The following EEF1A1 variants were observed in gnomAD, a reference collection of about 807,000 sequenced individuals.
EEF1A1 encodes elongation factor 1-alpha 1.
EEF1A1 carries 1 observed loss-of-function variant against 38.5 expected under a neutral mutation model. That is an observed-to-expected ratio of 0.03 (90% CI 0.01 to 0.12). The LOEUF is 0.12. Ranked by LOEUF, EEF1A1 falls within the 10% of genes least tolerant of loss-of-function variation. EEF1A1 has a pLI of 1.00. For synonymous variants in EEF1A1, 229 were observed against 203.7 expected (o/e 1.12, Z -1.06); for missense variants, 184 against 588.3 (o/e 0.31, Z 7.11).
rs11550794 is a variant in EEF1A1 at position 73,519,415 on chromosome 6, G to C, written c.246C>G (p.Thr82=). The C allele has an allele frequency of 1.2e-6, 2 of 1,608,296 alleles. No individual in the cohort carries two copies. The highest frequency in any genetic ancestry group is 1.1e-5 in the South Asian group (1 of 91,058). Reference sequence around the variant, plus strand: ...CAATGATAGTCACATAGTACTTGCTGGTCTCAAATTTCCACAAGGAGATAT... The same window carrying C: ...CAATGATAGTCACATAGTACTTGCTCGTCTCAAATTTCCACAAGGAGATAT... The part of the protein sequence containing the change: ...TIDISLWKFE[T]SKYYVTIIDA... The change falls in exon 3 of 8, where the codon ACC becomes ACG. Residue 82 remains threonine, a synonymous_variant. Transcript: ENST00000309268.
intron 1 of EEF1A1, 152 bp downstream of exon 1, chr6:73,520,848 C>G (rs894868659): frequency 6.6e-6 from 1 of 152,470 alleles, no homozygotes; most frequent in African/African-American, 2.4e-5. Flanking sequence ...GCTCCTTAAG[C>G]GCAAGGCCTC....
chr6:73,516,949 A>C lies in EEF1A1; in HGVS notation c.*861T>G, dbSNP rs1304015104. On this transcript the variant is annotated 3_prime_UTR_variant, in exon 8 of 8. Coordinates refer to ENST00000309268, the MANE Select transcript of EEF1A1 (RefSeq NM_001402.6). ...TGTAGATTAGTCTAATTTTATAGCT[A>C]CTTCAAATTGCCATCTTTTTCTATT... The C allele has an allele frequency of 3.3e-5, 5 of 152,366 alleles. No individual in the cohort carries two copies. The East Asian group carries it at 9.6e-4, about 29-fold the overall frequency. 9.4% of individuals were successfully genotyped at this position (152,366 alleles called of 1,614,324 possible).
At chr6:73,519,808 C>T (rs1765607424) in intron 2 of EEF1A1, 75 bp downstream of exon 2, 2 of 1,590,196 alleles carry the variant, frequency 1.3e-6, no homozygotes, top group Non-Finnish European at 1.7e-6. Context: ...CTCACTAGTT[C>T]TGGGGAAATC....
Position 73,520,058 on chromosome 6 carries a change from T to G in EEF1A1, c.-30-2A>C, listed in dbSNP as rs749290541. 1.3e-6 allele frequency: 2 copies of G among 1,579,550 alleles called. No homozygotes were observed. The highest frequency in any genetic ancestry group is 3.7e-5 in the Admixed American group (2 of 54,702). ...TTTTAGGGGTAGTTTTCACGACACCTGAAATGGAAGAAAAAAACTTTGAAC... is the reference window on the plus strand; with the variant it reads ...TTTTAGGGGTAGTTTTCACGACACCGGAAATGGAAGAAAAAAACTTTGAAC... On this transcript the variant is annotated splice_acceptor_variant, in intron 1 of 7. Coordinates refer to ENST00000309268, the MANE Select transcript of EEF1A1 (RefSeq NM_001402.6). LOFTEE classifies it low-confidence loss of function (5UTR_SPLICE).
intron 1 of EEF1A1, 135 bp from the exon 2 acceptor site, chr6:73,520,191 CAG>C (rs1039849745): frequency 1.6e-5 from 12 of 772,700 alleles, no homozygotes; most frequent in East Asian, 5.5e-5. Context: ...TCCACCCACT[CAG>C]TGTGGGGAAA....
intron 1 of EEF1A1, 43 bp from the exon 2 acceptor site, chr6:73,520,099 G>A: frequency 6.5e-7 from 1 of 1,532,328 alleles, no homozygotes; most frequent in Non-Finnish European, 8.7e-7. Context: ...TCTGAGGCTT[G>A]AGAATGAACC....
At position 73,516,332 on chromosome 6, in the gene EEF1A1, T is replaced by TG. The variant is rs1765513530; in HGVS notation, c.*1477dup. On this transcript the variant is annotated 3_prime_UTR_variant, in exon 8 of 8. Coordinates refer to ENST00000309268, the MANE Select transcript of EEF1A1 (RefSeq NM_001402.6). Reference sequence around the variant, plus strand: ...AGCATGTCCTTAAGAACACATGTCCTGGCCAGGCATGGTGGCTCATGCCTG... The same window carrying TG: ...AGCATGTCCTTAAGAACACATGTCCTGGGCCAGGCATGGTGGCTCATGCCTG... 1 of 152,216 alleles carries TG rather than the reference T, an allele frequency of 6.6e-6. No individual in the cohort carries two copies. Among genetic ancestry groups the TG allele is most frequent in the African/African-American group, 2.4e-5 (1 of 41,448 alleles). 9.4% of individuals were successfully genotyped at this position (152,216 alleles called of 1,614,324 possible). A position where few individuals can be genotyped will look rare whatever the true frequency, so the allele number is the denominator to read the frequency against.
At position 73,517,645 on chromosome 6, in the gene EEF1A1, G is replaced by C. The variant is rs1472690118; in HGVS notation, c.*165C>G. The C allele has an allele frequency of 4.5e-6, 2 of 443,458 alleles. No individual in the cohort carries two copies. The highest frequency in any genetic ancestry group is 7.7e-5 in the Admixed American group (2 of 25,836). The allele number at this position is 443,458 out of a possible 1,614,324, so 27.5% of individuals were successfully genotyped here. A position where few individuals can be genotyped will look rare whatever the true frequency, so the allele number is the denominator to read the frequency against. On this transcript the variant is annotated 3_prime_UTR_variant, in exon 8 of 8. Transcript: ENST00000309268. ...GCCACACGCAAAAAAGAAAACCAAA[G>C]TGGTCCACAAAACATTCTCCTTTCC...
rs1314533719 is a variant in EEF1A1, at chr6:73,517,234, A to G, written c.*576T>C. ...CACTTAACATTGGTTTAGCAACATG[A>G]AGCTTTCTATGCAACACAAGGACTC... On this transcript the variant is annotated 3_prime_UTR_variant, in exon 8 of 8. Coordinates refer to ENST00000309268, the MANE Select transcript of EEF1A1 (RefSeq NM_001402.6). The G allele has an allele frequency of 6.6e-6, 1 of 152,178 alleles. No homozygotes were observed. Among genetic ancestry groups the G allele is most frequent in the Non-Finnish European group, 1.5e-5 (1 of 68,110 alleles). 9.4% of individuals were successfully genotyped at this position (152,178 alleles called of 1,614,324 possible).
rs146476537 is a variant in EEF1A1 at position 73,518,689 on chromosome 6, C to A, written c.772+9G>T. On this transcript the variant is annotated intron_variant, in intron 5 of 7. Transcript: ENST00000309268. Reference sequence around the variant, plus strand: ...AACTCAAATTCAACTTTGTTTACAGCCAACTTACCACCAATTTTGTAGACA... The same window carrying A: ...AACTCAAATTCAACTTTGTTTACAGACAACTTACCACCAATTTTGTAGACA... 6.2e-7 allele frequency: 1 copy of A among 1,613,788 alleles called. No homozygotes were observed. The highest frequency in any genetic ancestry group is 8.5e-7 in the Non-Finnish European group (1 of 1,179,812).
rs199819622 is a variant in EEF1A1, at chr6:73,518,196, A to G, written c.1098T>C (p.Ala366=). Residue 366 remains alanine, a synonymous_variant, in exon 7 of 8, where the codon GCT becomes GCC. Transcript: ENST00000309268. ...GCTCAGCAAACTTGCATGCAATGTGAGCCGTGTGGCAATCCAATACAGGGG... is the reference window on the plus strand; with the variant it reads ...GCTCAGCAAACTTGCATGCAATGTGGGCCGTGTGGCAATCCAATACAGGGG... ...GYAPVLDCHT[A]HIACKFAELK... 2.3e-5 allele frequency: 37 copies of G among 1,613,772 alleles called. No individual in the cohort carries two copies. Among genetic ancestry groups the G allele is most frequent in the Non-Finnish European group, 3.1e-5 (37 of 1,179,984 alleles).
At position 73,520,010 on chromosome 6, in the gene EEF1A1, G is replaced by C; in HGVS notation, c.17C>G (p.Thr6Ser). Reference sequence around the variant, plus strand: ...TCCAATGACGACAATGTTGATATGAGTCTTTTCCTTTCCCATTTTGGCTTT... The same window carrying C: ...TCCAATGACGACAATGTTGATATGACTCTTTTCCTTTCCCATTTTGGCTTT... The part of the protein sequence containing the change: MGKEK[T>S]HINIVVIGHV... The change falls in exon 2 of 8, where the codon ACT becomes AGT. Residue 6 changes from threonine to serine, a missense_variant. Transcript: ENST00000309268. 7 of 1,594,202 alleles carry C rather than the reference G, an allele frequency of 4.4e-6. No homozygotes were observed. Among genetic ancestry groups the C allele is most frequent in the Non-Finnish European group, 5.9e-6 (7 of 1,178,396 alleles).
Position 73,518,998 on chromosome 6 carries a change from G to C in EEF1A1, c.555C>G (p.Pro185=), listed in dbSNP as rs567492289. Residue 185 remains proline, a synonymous_variant, in exon 4 of 8, where the codon CCC becomes CCG. Transcript: ENST00000309268. ...AAATTGGCACAAATGCTACTGTGTC[G>C]GGGTTGTAGCCAATTTTCTTAATGT... ...STYIKKIGYN[P]DTVAFVPISG... 1 of 1,597,422 alleles carries C rather than the reference G, an allele frequency of 6.3e-7. No individual in the cohort carries two copies. The highest frequency in any genetic ancestry group is 1.3e-5 in the African/African-American group (1 of 74,666).
chr6:73,519,340 A>C lies in EEF1A1; in HGVS notation c.321T>G (p.Ser107=), dbSNP rs143442302. Residue 107 remains serine, a synonymous_variant, in exon 3 of 8, where the codon TCT becomes TCG. Transcript: ENST00000309268. Reference sequence around the variant, plus strand: ...TAGAATTATTAATCCCACCAACCTGAGATGTCCCTGTAATCATGTTTTTGA... The same window carrying C: ...TAGAATTATTAATCCCACCAACCTGCGATGTCCCTGTAATCATGTTTTTGA... ...DFIKNMITGT[S]QADCAVLIVA... 6.8e-6 allele frequency: 11 copies of C among 1,611,282 alleles called. No homozygotes were observed. Among genetic ancestry groups the C allele is most frequent in the Non-Finnish European group, 9.3e-6 (11 of 1,177,948 alleles).
At position 73,517,538 on chromosome 6, in the gene EEF1A1, G is replaced by C. The variant is rs1416219840; in HGVS notation, c.*272C>G. On this transcript the variant is annotated 3_prime_UTR_variant, in exon 8 of 8. Coordinates refer to ENST00000309268, the MANE Select transcript of EEF1A1 (RefSeq NM_001402.6). ...GGTTTCTCATTTAACTTTTTTAATG[G>C]GTCTCAAAATTCTGTGACAAATTTT... 3.4e-5 allele frequency: 13 copies of C among 381,168 alleles called. No homozygotes were observed. The highest frequency in any genetic ancestry group is 5.2e-5 in the Non-Finnish European group (11 of 213,160). 23.6% of individuals were successfully genotyped at this position (381,168 alleles called of 1,614,324 possible). A position where few individuals can be genotyped will look rare whatever the true frequency, so the allele number is the denominator to read the frequency against.
rs1303194618 is a variant in EEF1A1 at position 73,518,121 on chromosome 6, A to C, written c.1173T>G (p.Pro391=). The C allele has an allele frequency of 6.2e-7, 1 of 1,608,120 alleles. No individual in the cohort carries two copies. Among genetic ancestry groups the C allele is most frequent in the Non-Finnish European group, 8.5e-7 (1 of 1,178,054 alleles). Residue 391 remains proline (P), a synonymous_variant, in exon 7 of 8, where the codon CCT becomes CCG. Transcript: ENST00000309268. ...RRSGKKLEDG[P]KFLKSGDAAI... ...CAGCATCACCAGACTTCAAGAATTTAGGGCCATCTTCCAGCTTTTTACCAG... is the reference window on the plus strand; with the variant it reads ...CAGCATCACCAGACTTCAAGAATTTCGGGCCATCTTCCAGCTTTTTACCAG...
chr6:73,518,285 T>TCAGTG, intron 6 of EEF1A1, 21 bp from the exon 7 acceptor site: 1 of 1,610,968 alleles, frequency 6.2e-7, no homozygotes, highest in East Asian at 2.2e-5. Context: ...AGATTTGCAT[T>TCAGTG]CAGTGCAAAT....
chr6:73,519,614 C>T, intron 2 of EEF1A1, 98 bp from the exon 3 acceptor site: 1 of 1,356,792 alleles, frequency 7.4e-7, no homozygotes, highest in Non-Finnish European at 1.0e-6. Flanking sequence ...CACTTTACAA[C>T]TCCAAGTCCA....
Position 73,516,435 on chromosome 6 carries a change from C to T in EEF1A1, c.*1375G>A, listed in dbSNP as rs1765516590. On this transcript the variant is annotated 3_prime_UTR_variant, in exon 8 of 8. Coordinates refer to ENST00000309268, the MANE Select transcript of EEF1A1 (RefSeq NM_001402.6). ...GACCAGCCTGACCAACATGGAAAAA[C>T]CTCATCTCTATTAAAAACACCAAAT... 6.6e-6 allele frequency: 1 copy of T among 151,820 alleles called. No homozygotes were observed. The highest frequency in any genetic ancestry group is 1.5e-5 in the Non-Finnish European group (1 of 67,992). The allele number at this position is 151,820 out of a possible 1,614,324, so 9.4% of individuals were successfully genotyped here. A position where few individuals can be genotyped will look rare whatever the true frequency, so the allele number is the denominator to read the frequency against.
Sources: gnomAD v4.1 joint callset for allele counts on GRCh38, gnomAD v4.1.1 for gene constraint, MANE v1.5 for transcripts, NCBI Gene and HGNC (gene_info 2026-07-23, HGNC 2026-07-21) for gene names.